The following SH3RF1 variants were observed in gnomAD, a reference collection of about 807,000 sequenced individuals.
SH3RF1 encodes E3 ubiquitin-protein ligase SH3RF1.
Under a neutral mutation model 74.0 loss-of-function variants are expected in SH3RF1, and 32 were observed. That is an observed-to-expected ratio of 0.43 (90% confidence interval 0.33 to 0.58). The LOEUF is 0.58. Among genes scored for constraint, SH3RF1 ranks in the 20% least tolerant of loss-of-function variants. The pLI, the probability that SH3RF1 is intolerant of heterozygous loss-of-function variation, is 0.05. For missense variants in SH3RF1, 954 were observed against 1,130.9 expected (o/e 0.84, Z 2.24); for synonymous variants, 396 against 439.6 (o/e 0.90, Z 1.24).
At chr4:169,105,622 C>T (rs1405222521) in intron 11 of SH3RF1, among the ~76,000 whole-genome samples, 1 of 152,174 alleles carries the variant, frequency 6.6e-6, no homozygotes, top group African/African-American at 2.4e-5. Context: ...CGCTAGACAT[C>T]GTGGCTCACG....
At chr4:169,251,925 A>T (rs572347578) in intron 2 of SH3RF1, among the ~76,000 whole-genome samples, 1 of 152,356 alleles carries the variant, frequency 6.6e-6, no homozygotes, top group East Asian at 1.9e-4. Flanking sequence ...ATATTCATCA[A>T]TCAAAACTAT....
rs541098053 is a variant in SH3RF1 at position 169,136,687 on chromosome 4, T to G, written c.766-67A>C. On this transcript the variant is annotated intron_variant, in intron 4 of 11. Transcript: ENST00000284637. The stretch of plus-strand genomic sequence containing the variant: ...ATTCCTAAGAATTCCCTGAGGTTTA[T>G]TTCCAACATGATTTCATCCAAAATT... 7.3e-5 allele frequency: 105 copies of G among 1,439,210 alleles called. 1 individual carries two copies. Among genetic ancestry groups the G allele is most frequent in the African/African-American group, 1.1e-4 (8 of 70,088 alleles). The allele number at this position is 1,439,210 out of a possible 1,614,324, so 89.2% of individuals were successfully genotyped here. A position where few individuals can be genotyped will look rare whatever the true frequency, so the allele number is the denominator to read the frequency against.
intron 2 of SH3RF1, among the ~76,000 whole-genome samples, chr4:169,223,045 C>G (rs997087628): frequency 5.9e-5 from 9 of 152,202 alleles, no homozygotes; most frequent in African/African-American, 1.7e-4. Flanking sequence ...TTGCCTCCAA[C>G]TTCCTCTGCC....
At chr4:169,160,810 A>G (rs1366256104) in intron 2 of SH3RF1, among the ~76,000 whole-genome samples, 1 of 152,238 alleles carries the variant, frequency 6.6e-6, no homozygotes, top group Non-Finnish European at 1.5e-5. Context: ...ATAAACGGTT[A>G]AACGACTTGG....
chr4:169,216,925 C>T (rs577308907), intron 2 of SH3RF1, among the ~76,000 whole-genome samples: 4 of 148,158 alleles, frequency 2.7e-5, no homozygotes, highest in South Asian at 4.4e-4. Context: ...CCGAGGCAGG[C>T]GGATCACTTG....
At chr4:169,107,486 G>A (rs962933330) in intron 10 of SH3RF1, among the ~76,000 whole-genome samples, 1 of 151,724 alleles carries the variant, frequency 6.6e-6, no homozygotes, top group Non-Finnish European at 1.5e-5. Context: ...ATATTTTTTT[G>A]TTTGGTTTTG....
At chr4:169,229,868 G>A (rs1326807713) in intron 2 of SH3RF1, among the ~76,000 whole-genome samples, 2 of 152,136 alleles carry the variant, frequency 1.3e-5, no homozygotes, top group African/African-American at 4.8e-5. Flanking sequence ...ATATGAAAAG[G>A]CTCCTGCTGT....
Position 169,096,559 on chromosome 4 carries a change from T to C in SH3RF1, c.2627A>G (p.Lys876Arg). 1 of 1,614,104 alleles carries C rather than the reference T, an allele frequency of 6.2e-7. No homozygotes were observed. The highest frequency in any genetic ancestry group is 8.5e-7 in the Non-Finnish European group (1 of 1,180,012). Residue 876 changes from lysine (K) to arginine (R), a missense_variant, in exon 12 of 12, where the codon AAA becomes AGA. Around this residue, in one of 3 missense-constraint regions of SH3RF1, gnomAD observed 36 missense variants for 66.5 expected, o/e 0.54. Coordinates refer to ENST00000284637, the MANE Select transcript of SH3RF1 (RefSeq NM_020870.4). ...AAAGCTTCCTGGGAAAAGGCCAGTTTTCCCATTACGTTGTAATGTGCCTTT... is the reference window on the plus strand; with the variant it reads ...AAAGCTTCCTGGGAAAAGGCCAGTTCTCCCATTACGTTGTAATGTGCCTTT... ...WFKGTLQRNG[K>R]TGLFPGSFVE... is the part of the protein sequence containing the mutation.
intron 2 of SH3RF1, among the ~76,000 whole-genome samples, chr4:169,258,273 G>A (rs760621229): frequency 2.2e-4 from 33 of 152,136 alleles, no homozygotes; most frequent in Non-Finnish European, 3.4e-4. Context: ...CTTCATATAT[G>A]GAGACCCAGT....
chr4:169,153,725 CTAAAGA>C (rs2126963688), intron 4 of SH3RF1, among the ~76,000 whole-genome samples: 1 of 152,266 alleles, frequency 6.6e-6, no homozygotes, highest in South Asian at 2.1e-4. Flanking sequence ...TCATAGGCTC[CTAAAGA>C]TAGACAGCTT....
intron 10 of SH3RF1, among the ~76,000 whole-genome samples, chr4:169,116,014 A>G (rs1365485751): frequency 6.6e-6 from 1 of 152,178 alleles, no homozygotes; most frequent in Non-Finnish European, 1.5e-5. Flanking sequence ...TCCCTCTAAC[A>G]TGCAGCACTG....
rs1248625012 is a variant in SH3RF1, at chr4:169,145,877, T to C, written c.766-9257A>G. ...TTCTATATAAAATATGTATTCTATA[T>C]ATTATTCTATATAAAATATTACATA... On this transcript the variant is annotated intron_variant, in intron 4 of 11. Coordinates refer to ENST00000284637, the MANE Select transcript of SH3RF1 (RefSeq NM_020870.4). Among the ~76,000 whole-genome samples the C allele has an allele frequency of 1.5e-5, 2 of 130,728 alleles. 1 individual carries two copies. Among genetic ancestry groups the C allele is most frequent in the African/African-American group, 6.1e-5 (2 of 33,048 alleles). 85.8% of individuals were successfully genotyped at this position (130,728 alleles called of 152,430 possible). A position where few individuals can be genotyped will look rare whatever the true frequency, so the allele number is the denominator to read the frequency against.
At chr4:169,183,354 C>T (rs1734545744) in intron 2 of SH3RF1, among the ~76,000 whole-genome samples, 1 of 152,184 alleles carries the variant, frequency 6.6e-6, no homozygotes, top group Non-Finnish European at 1.5e-5. Context: ...GATCCTGGCT[C>T]ACTGCAACCT....
rs148888477 is a variant in SH3RF1, at chr4:169,256,481, T to C, written c.393+12339A>G. Among the ~76,000 whole-genome samples the C allele has an allele frequency of 6.9e-3, 1,059 of 152,380 alleles. 5 individuals are homozygous for C. The highest frequency in any genetic ancestry group is 0.011 in the Non-Finnish European group (773 of 68,040). ...CTAATTTATGAACAGCTTGGGTATC[T>C]GAAGTTTAAGCCAGCTGTTTAAAAC... On this transcript the variant is annotated intron_variant, in intron 2 of 11. Transcript: ENST00000284637.
chr4:169,132,152 C>G (rs1050714910), intron 5 of SH3RF1, among the ~76,000 whole-genome samples: 10 of 152,344 alleles, frequency 6.6e-5, no homozygotes, highest in African/African-American at 2.2e-4. Flanking sequence ...TACATGGACA[C>G]CCTCCACTGG....
intron 4 of SH3RF1, among the ~76,000 whole-genome samples, chr4:169,149,257 T>C (rs1244797953): frequency 6.6e-6 from 1 of 152,202 alleles, no homozygotes; most frequent in Non-Finnish European, 1.5e-5. Context: ...AACTCCTTTT[T>C]AGATTGAGTC....
intron 4 of SH3RF1, among the ~76,000 whole-genome samples, chr4:169,153,173 T>C (rs1354183797): frequency 6.6e-6 from 1 of 152,176 alleles, no homozygotes; most frequent in African/African-American, 2.4e-5. Flanking sequence ...ATTTGATTAT[T>C]ACCATGCTCT....
chr4:169,094,845 A>G lies in SH3RF1; in HGVS notation c.*1674T>C, dbSNP rs1437267340. 1 of 151,814 alleles carries G rather than the reference A, an allele frequency of 6.6e-6. No individual in the cohort carries two copies. The highest frequency in any genetic ancestry group is 1.5e-5 in the Non-Finnish European group (1 of 67,970). The allele number at this position is 151,814 out of a possible 1,614,324, so 9.4% of individuals were successfully genotyped here. On this transcript the variant is annotated 3_prime_UTR_variant, in exon 12 of 12. Transcript: ENST00000284637. ...CAACCACATAAAGTATCTTTTTAAG[A>G]CCATGAAACCTCTTGTCATTGCAAG...
chr4:169,252,035 G>A (rs998560714), intron 2 of SH3RF1, among the ~76,000 whole-genome samples: 1 of 152,182 alleles, frequency 6.6e-6, no homozygotes, highest in African/African-American at 2.4e-5. Context: ...CTACAAGAGC[G>A]AGGACTCTGG....
Sources: allele counts gnomAD v4.1 joint callset (sites outside exome capture counted in the v4.1 genomes callset), GRCh38; gene constraint gnomAD v4.1.1; regional missense constraint gnomAD v4.1.1; transcripts MANE v1.5; gene names NCBI Gene and HGNC (gene_info 2026-07-23, HGNC 2026-07-21).